MYO10: variants seen among roughly 807,000 people sequenced by gnomAD.
The protein encoded by MYO10 is unconventional myosin-X.
Under a neutral mutation model 257.3 loss-of-function variants are expected in MYO10, and 133 were observed. The ratio of observed to expected loss-of-function variants is 0.52; its 90% CI spans 0.45 to 0.60. MYO10 has a LOEUF of 0.60. Ranked by LOEUF, MYO10 falls within the 20% of genes least tolerant of loss-of-function variation. MYO10 has a pLI of 0.00. For synonymous variants in MYO10, 1,104 were observed against 1,028.6 expected, an observed-to-expected ratio of 1.07 and a Z score of -1.40; for missense variants, 2,399 against 2,635.7, an observed-to-expected ratio of 0.91 and a Z score of 1.97.
chr5:16,852,852 GC>G (rs1743847777), intron 2 of MYO10, among the ~76,000 whole-genome samples: 1 of 152,092 alleles, frequency 6.6e-6, no homozygotes. Flanking sequence ...GAATTAAAAT[GC>G]CCCACATAAA....
At chr5:16,823,065 CAA>C (rs1444874082) in intron 2 of MYO10, among the ~76,000 whole-genome samples, 3 of 152,044 alleles carry the variant, frequency 2.0e-5, no homozygotes, top group South Asian at 2.1e-4. Context: ...CTTGAACTAT[CAA>C]AAGTCACCTC....
chr5:16,692,678 T>C (rs31310), intron 27 of MYO10, among the ~76,000 whole-genome samples: 26,124 of 152,054 alleles, frequency 0.17, 2,571 homozygotes, highest in East Asian at 0.26. Flanking sequence ...CATGGGTGGA[T>C]AGCCACCGAA....
rs757776375 is a variant in MYO10 at position 16,670,988 on chromosome 5, GAC to G, written c.5431-12_5431-11del. 8.1e-6 allele frequency: 13 copies of G among 1,599,992 alleles called. No individual in the cohort carries two copies. On this transcript the variant is annotated splice_polypyrimidine_tract_variant and intron_variant, in intron 38 of 40. Coordinates refer to ENST00000513610, the MANE Select transcript of MYO10 (RefSeq NM_012334.3). ...TAACCGCTTCGTGGGCCTGAAAGGAGACAGTCAACAGCTTTCCGGTCAACGCA... is the reference window on the plus strand; with the variant it reads ...TAACCGCTTCGTGGGCCTGAAAGGAGAGTCAACAGCTTTCCGGTCAACGCA...
chr5:16,694,232 A>G, intron 27 of MYO10, 139 bp downstream of exon 27: 1 of 1,316,162 alleles, frequency 7.6e-7, no homozygotes, highest in Non-Finnish European at 1.0e-6. Context: ...TTTCCTAGTA[A>G]TTTAACCTAC....
chr5:16,762,143 A>AAAAAAAAAAAAAAAT (rs370443366), intron 15 of MYO10, 30 bp from the exon 16 acceptor site: 12 of 1,092,322 alleles, frequency 1.1e-5, no homozygotes, highest in South Asian at 1.9e-5. Context: ...AAAAAAAAAA[A>AAAAAAAAAAAAAAAT]ATACAATGCC....
In MYO10 at chr5:16,923,030, C is replaced by A. The variant is rs1362253112; in HGVS notation, c.21+12758G>T. 1.3e-5 allele frequency among the ~76,000 whole-genome samples: 2 copies of A among 150,926 alleles called. 1 individual carries two copies. The highest frequency in any genetic ancestry group is 4.9e-5 in the African/African-American group (2 of 41,030). ...TCAGAGACAGAGCAAGACTCTATCTCAAAAAAGAAAGAAAAGGAAAAAGAG... is the reference window on the plus strand; with the variant it reads ...TCAGAGACAGAGCAAGACTCTATCTAAAAAAAGAAAGAAAAGGAAAAAGAG... On this transcript the variant is annotated intron_variant, in intron 1 of 40. Transcript: ENST00000513610.
At chr5:16,791,175 T>C (rs998025602) in intron 4 of MYO10, among the ~76,000 whole-genome samples, 4 of 152,132 alleles carry the variant, frequency 2.6e-5, no homozygotes, top group Admixed American at 1.3e-4. Flanking sequence ...GCTTATTTTC[T>C]CAAGCATGAG....
intron 19 of MYO10, chr5:16,741,724 T>A: frequency 1.1e-6 from 1 of 887,798 alleles, no homozygotes; most frequent in Non-Finnish European, 1.3e-6. Flanking sequence ...CCGTGTATGA[T>A]CTCTGCAGTT....
intron 2 of MYO10, among the ~76,000 whole-genome samples, chr5:16,847,432 A>G (rs1041559026): frequency 2.6e-5 from 4 of 151,578 alleles, no homozygotes; most frequent in African/African-American, 9.7e-5. Context: ...TCAAAAAAAA[A>G]AAAAAAATTG....
chr5:16,801,053 T>C (rs1438195706), intron 3 of MYO10, among the ~76,000 whole-genome samples: 1 of 152,144 alleles, frequency 6.6e-6, no homozygotes, highest in East Asian at 1.9e-4. Flanking sequence ...CTCAGATGTG[T>C]GACGATCTTT....
intron 3 of MYO10, among the ~76,000 whole-genome samples, chr5:16,798,856 C>T (rs1742041060): frequency 6.6e-6 from 1 of 152,092 alleles, no homozygotes; most frequent in South Asian, 2.1e-4. Context: ...ACGGCGGGCT[C>T]AACTGAGCAC....
At chr5:16,882,993 G>A (rs1284071978) in intron 1 of MYO10, among the ~76,000 whole-genome samples, 2 of 151,396 alleles carry the variant, frequency 1.3e-5, no homozygotes, top group Non-Finnish European at 2.9e-5. Flanking sequence ...TCGGCTCACT[G>A]CAAGCTCTGC....
chr5:16,723,678 C>T (rs779482793), intron 19 of MYO10, among the ~76,000 whole-genome samples: 5 of 152,222 alleles, frequency 3.3e-5, no homozygotes, highest in Non-Finnish European at 7.3e-5. Flanking sequence ...TTTATAGGAT[C>T]TTTGTTCGTA....
intron 1 of MYO10, among the ~76,000 whole-genome samples, chr5:16,890,638 G>A (rs745972121): frequency 1.3e-5 from 2 of 151,474 alleles, no homozygotes; most frequent in South Asian, 2.1e-4. Flanking sequence ...TCAGGAGTTC[G>A]AGACCAGCCT....
intron 1 of MYO10, among the ~76,000 whole-genome samples, chr5:16,891,441 T>A (rs1041574810): frequency 6.7e-6 from 1 of 149,284 alleles, no homozygotes; most frequent in Non-Finnish European, 1.5e-5. Context: ...GAAAGCTCAC[T>A]GGTGGTTGCC....
chr5:16,879,617 T>C (rs1366202760), intron 1 of MYO10, among the ~76,000 whole-genome samples: 1 of 152,142 alleles, frequency 6.6e-6, no homozygotes, highest in Non-Finnish European at 1.5e-5. Context: ...CCTAGGCAGG[T>C]CTCTCCAAAT....
intron 1 of MYO10, among the ~76,000 whole-genome samples, chr5:16,896,029 T>A (rs948916759): frequency 1.3e-5 from 2 of 152,076 alleles, no homozygotes; most frequent in Non-Finnish European, 2.9e-5. Flanking sequence ...GCCTCAACAC[T>A]CCTGGCCTCG....
intron 28 of MYO10, among the ~76,000 whole-genome samples, chr5:16,688,108 T>C (rs1448888990): frequency 1.3e-5 from 2 of 152,218 alleles, no homozygotes; most frequent in African/African-American, 2.4e-5. Context: ...GCTGGGCCTA[T>C]AATTCAGCTG....
At chr5:16,668,230 T>G in intron 40 of MYO10, 47 bp downstream of exon 40, 1 of 1,541,804 alleles carries the variant, frequency 6.5e-7, no homozygotes, top group South Asian at 1.3e-5. Context: ...TGTTTTTCTG[T>G]TTTGTCAAGA....
Sources: gnomAD v4.1 joint callset for allele counts (sites outside exome capture counted in the v4.1 genomes callset) on GRCh38, gnomAD v4.1.1 for gene constraint, MANE v1.5 for transcripts, NCBI Gene and HGNC (gene_info 2026-07-23, HGNC 2026-07-21) for gene names.